Variants in BTBD9 observed in about 807,000 individuals in gnomAD.
The protein encoded by BTBD9 is BTB/POZ domain-containing protein 9.
In BTBD9, 49 loss-of-function variants were observed where a neutral mutation model predicts 64.3. That is an observed-to-expected ratio of 0.76 (90% CI 0.61 to 0.97). The LOEUF is 0.97. Among genes scored for constraint, BTBD9 ranks in the 50% least tolerant of loss-of-function variants. BTBD9 has a pLI of 0.00. For missense variants in BTBD9, 598 were observed against 762.1 expected (o/e 0.78, Z 2.53); for synonymous variants, 260 against 274.7 (o/e 0.95, Z 0.53).
chr6:38,284,189 C>A (rs1433878223), intron 8 of BTBD9, among the ~76,000 whole-genome samples: 3 of 150,746 alleles, frequency 2.0e-5, no homozygotes, highest in Non-Finnish European at 4.4e-5. Flanking sequence ...TTTTTTTTTA[C>A]TGGGAAAAAA....
rs544029691 is a variant in BTBD9, at chr6:38,254,488, T to C, written c.1562+1921A>G. 5.1e-4 allele frequency among the ~76,000 whole-genome samples: 77 copies of C among 151,706 alleles called. 1 individual carries two copies. Among genetic ancestry groups the C allele is most frequent in the African/African-American group, 1.4e-3 (58 of 41,316 alleles). On this transcript the variant is annotated intron_variant, in intron 9 of 10. Coordinates refer to ENST00000481247, the MANE Select transcript of BTBD9 (RefSeq NM_001099272.2). ...CAAACAAACAAACAAAAAAAAACAA[T>C]TAGCTGGGCACAGTGGCATGCAGCT...
chr6:38,374,315 A>ATG (rs1562095789), intron 6 of BTBD9, among the ~76,000 whole-genome samples: 1 of 115,600 alleles, frequency 8.7e-6, no homozygotes, highest in Non-Finnish European at 1.7e-5. Flanking sequence ...ATGTATATAT[A>ATG]TATATATATA....
At chr6:38,257,072 T>C (rs1378042942) in intron 8 of BTBD9, among the ~76,000 whole-genome samples, 1 of 149,954 alleles carries the variant, frequency 6.7e-6, no homozygotes, top group Non-Finnish European at 1.5e-5. Context: ...TCTTTTTTTT[T>C]TTTTTTTTTT....
intron 6 of BTBD9, among the ~76,000 whole-genome samples, chr6:38,479,667 C>G (rs1771043020): frequency 6.6e-6 from 1 of 152,192 alleles, no homozygotes. Context: ...CCTCTCAGAA[C>G]AACAACTTTC....
chr6:38,637,010 T>C (rs1440128319), intron 1 of BTBD9, among the ~76,000 whole-genome samples: 1 of 152,230 alleles, frequency 6.6e-6, no homozygotes, highest in Non-Finnish European at 1.5e-5. Flanking sequence ...ACTTTGCTTA[T>C]GCTGGCCCCT....
intron 7 of BTBD9, among the ~76,000 whole-genome samples, chr6:38,320,437 T>C (rs1344274231): frequency 1.3e-5 from 2 of 152,228 alleles, no homozygotes; most frequent in East Asian, 3.8e-4. Flanking sequence ...TATTTCTGCA[T>C]TTTAACTCTC....
chr6:38,518,430 T>G (rs756887266), intron 6 of BTBD9, among the ~76,000 whole-genome samples: 4 of 152,240 alleles, frequency 2.6e-5, no homozygotes, highest in African/African-American at 7.2e-5. Flanking sequence ...CAATTGTGTA[T>G]GGAGATCTCT....
chr6:38,212,645 T>C (rs9470828), intron 9 of BTBD9, among the ~76,000 whole-genome samples: 4,971 of 152,160 alleles, frequency 0.033, 299 homozygotes, highest in African/African-American at 0.11. Context: ...TGGAGGCTGG[T>C]GAGGGGAGGG....
intron 6 of BTBD9, among the ~76,000 whole-genome samples, chr6:38,428,866 C>A (rs1162665878): frequency 6.6e-6 from 1 of 151,416 alleles, no homozygotes; most frequent in South Asian, 2.1e-4. Context: ...GCGCCCACCA[C>A]GCCCGGCTAA....
chr6:38,456,408 C>T (rs185417416), intron 6 of BTBD9, among the ~76,000 whole-genome samples: 92 of 152,302 alleles, frequency 6.0e-4, no homozygotes, highest in Non-Finnish European at 2.9e-4. Flanking sequence ...TTATGTTTAA[C>T]TTTGTAAGAA....
intron 1 of BTBD9, among the ~76,000 whole-genome samples, chr6:38,633,917 C>G (rs57079542): frequency 0.017 from 2,517 of 152,234 alleles, 68 homozygotes; most frequent in African/African-American, 0.057. Flanking sequence ...TCAATATAAT[C>G]TTAAGATTAT....
intron 6 of BTBD9, among the ~76,000 whole-genome samples, chr6:38,417,949 T>G (rs1034025951): frequency 1.1e-4 from 16 of 152,182 alleles, no homozygotes; most frequent in African/African-American, 3.9e-4. Context: ...AAGGGGAAGA[T>G]TTTTTAAAAG....
At chr6:38,558,303 C>T (rs1210281119) in intron 6 of BTBD9, among the ~76,000 whole-genome samples, 1 of 151,550 alleles carries the variant, frequency 6.6e-6, no homozygotes, top group African/African-American at 2.4e-5. Context: ...TTGGTGGAGG[C>T]TTTAGGGTTT....
intron 7 of BTBD9, among the ~76,000 whole-genome samples, chr6:38,300,057 G>A (rs1762326310): frequency 6.6e-6 from 1 of 152,184 alleles, no homozygotes; most frequent in Non-Finnish European, 1.5e-5. Flanking sequence ...AAGGGATCTA[G>A]TTTCAGCTTT....
intron 6 of BTBD9, among the ~76,000 whole-genome samples, chr6:38,487,704 A>AG: frequency 6.6e-6 from 1 of 152,050 alleles, no homozygotes; most frequent in African/African-American, 2.4e-5. Context: ...AGAAAAGAAA[A>AG]AAGAAAGGTG....
intron 1 of BTBD9, among the ~76,000 whole-genome samples, chr6:38,617,439 G>A (rs1048959585): frequency 3.3e-5 from 5 of 152,110 alleles, no homozygotes; most frequent in Admixed American, 6.5e-5. Context: ...CCCTGTCCCC[G>A]ATGCTCTTCT....
At chr6:38,594,413 C>T (rs962179736) in intron 2 of BTBD9, 86 bp from the exon 3 acceptor site, 1 of 1,420,952 alleles carries the variant, frequency 7.0e-7, no homozygotes, top group Non-Finnish European at 9.3e-7. Context: ...CAACATTATG[C>T]AAATATAAAT....
intron 7 of BTBD9, among the ~76,000 whole-genome samples, chr6:38,324,832 C>T (rs1763361330): frequency 6.6e-6 from 1 of 152,122 alleles, no homozygotes; most frequent in East Asian, 1.9e-4. Context: ...CACACAGGTG[C>T]AAAGGAGATA....
chr6:38,550,959 A>T (rs1774778139), intron 6 of BTBD9, among the ~76,000 whole-genome samples: 1 of 152,092 alleles, frequency 6.6e-6, no homozygotes, highest in Non-Finnish European at 1.5e-5. Flanking sequence ...CCTCCTTACT[A>T]TTCCAGGAGC....
Sources: gnomAD v4.1 joint callset for allele counts (sites outside exome capture counted in the v4.1 genomes callset) on GRCh38, gnomAD v4.1.1 for gene constraint, MANE v1.5 for transcripts, NCBI Gene and HGNC (gene_info 2026-07-23, HGNC 2026-07-21) for gene names.